The following SPECC1 variants were observed in gnomAD, a reference collection of about 807,000 sequenced individuals.
The protein encoded by SPECC1 is sperm antigen with calponin homology and coiled-coil domains 1.
SPECC1 carries 62 observed loss-of-function variants against 104.1 expected under a neutral mutation model. That is an observed-to-expected ratio of 0.60 (90% confidence interval 0.49 to 0.74). SPECC1 has a LOEUF of 0.74. Ranked by LOEUF, SPECC1 falls within the 30% of genes least tolerant of loss-of-function variation. SPECC1 has a pLI of 0.00. For missense variants in SPECC1, 1,306 were observed against 1,310.5 expected (o/e 1.00, Z 0.05); for synonymous variants, 513 against 501.6 (o/e 1.02, Z -0.30).
At chr17:20,229,265 A>G (rs1328986234) in intron 5 of SPECC1, among the ~76,000 whole-genome samples, 1 of 152,188 alleles carries the variant, frequency 6.6e-6, no homozygotes, top group African/African-American at 2.4e-5. Context: ...CCCCAAGCAC[A>G]GTGAGGTTGA....
At chr17:20,023,866 G>T (rs1272547297) in intron 1 of SPECC1, among the ~76,000 whole-genome samples, 1 of 151,248 alleles carries the variant, frequency 6.6e-6, no homozygotes, top group Admixed American at 6.6e-5. Context: ...AAATAACCCT[G>T]ATAGAGAGCA....
In SPECC1 at chr17:20,314,658, A is replaced by C; in HGVS notation, c.*593A>C. ...CTGTCTCAAAAAAATGATAAAACCC[A>C]AAACTTTGCCCTTGTGAACCCTCCC... On this transcript the variant is annotated 3_prime_UTR_variant, in exon 15 of 15. Transcript: ENST00000395527. 1 of 230,082 alleles carries C rather than the reference A, an allele frequency of 4.3e-6. No homozygotes were observed. Among genetic ancestry groups the C allele is most frequent in the Non-Finnish European group, 8.6e-6 (1 of 116,332 alleles). 14.3% of individuals were successfully genotyped at this position (230,082 alleles called of 1,614,324 possible). A position where few individuals can be genotyped will look rare whatever the true frequency, so the allele number is the denominator to read the frequency against.
At chr17:20,059,318 G>A (rs936011640) in intron 1 of SPECC1, among the ~76,000 whole-genome samples, 95 of 152,106 alleles carry the variant, frequency 6.2e-4, no homozygotes, top group Middle Eastern at 3.4e-3. Context: ...CATAAAGAGC[G>A]GAAAACCTAC....
chr17:20,314,907 C>T lies in SPECC1; in HGVS notation c.*842C>T. ...TGTGAGAATGCAAGGGAGCCCCTGG[C>T]TGCTTTGCTGGAGTCCCTGGGAGGT... On this transcript the variant is annotated 3_prime_UTR_variant, in exon 15 of 15. Coordinates refer to ENST00000395527, the MANE Select transcript of SPECC1 (RefSeq NM_001243439.2). 4.3e-6 allele frequency: 1 copy of T among 232,476 alleles called. No individual in the cohort carries two copies. The highest frequency in any genetic ancestry group is 8.5e-6 in the Non-Finnish European group (1 of 117,518). 14.4% of individuals were successfully genotyped at this position (232,476 alleles called of 1,614,324 possible).
At position 20,059,394 on chromosome 17, in the gene SPECC1, C is replaced by G. The variant is rs558149478; in HGVS notation, c.-21-37237C>G. Reference sequence around the variant, plus strand: ...ATGAGAATCTAATGACATCACTGATCTGACGGGAGGTGAAGCCCAGGTGGT... The same window carrying G: ...ATGAGAATCTAATGACATCACTGATGTGACGGGAGGTGAAGCCCAGGTGGT... On this transcript the variant is annotated intron_variant, in intron 1 of 14. Transcript: ENST00000395527. Among the ~76,000 whole-genome samples, 3 of 152,236 alleles carry G rather than the reference C, an allele frequency of 2.0e-5. No homozygotes were observed. The South Asian group carries it at 6.2e-4, about 32-fold the overall frequency.
Position 20,236,379 on chromosome 17 carries a change from A to G in SPECC1, c.2351+3974A>G, listed in dbSNP as rs116147607. Among the ~76,000 whole-genome samples, 1,012 of 141,970 alleles carry G rather than the reference A, an allele frequency of 7.1e-3. 10 individuals carry two copies. The highest frequency in any genetic ancestry group is 0.028 in the African/African-American group (960 of 34,322). 93.1% of individuals were successfully genotyped at this position (141,970 alleles called of 152,430 possible). A position where few individuals can be genotyped will look rare whatever the true frequency, so the allele number is the denominator to read the frequency against. ...ATTTATGACATTAGACACACAGTCT[A>G]TAATTCTAAAGAGCTGTGTCTGCCT... On this transcript the variant is annotated intron_variant, in intron 7 of 14. Coordinates refer to ENST00000395527, the MANE Select transcript of SPECC1 (RefSeq NM_001243439.2).
chr17:20,074,835 A>C (rs2046694318), intron 1 of SPECC1, among the ~76,000 whole-genome samples: 1 of 152,230 alleles, frequency 6.6e-6, no homozygotes, highest in Admixed American at 6.5e-5. Context: ...CTTTCATTTG[A>C]AAACCTGGAA....
At chr17:20,180,647 C>T (rs761497287) in intron 3 of SPECC1, among the ~76,000 whole-genome samples, 31 of 152,272 alleles carry the variant, frequency 2.0e-4, no homozygotes, top group Admixed American at 4.6e-4. Flanking sequence ...AATTGCACAG[C>T]GAACTGGATA....
chr17:20,131,267 C>T (rs2049610424), intron 3 of SPECC1, among the ~76,000 whole-genome samples: 1 of 152,180 alleles, frequency 6.6e-6, no homozygotes, highest in African/African-American at 2.4e-5. Context: ...TCTCGGCTCA[C>T]TGCAACCTCT....
chr17:20,084,700 C>G (rs1203800925), intron 1 of SPECC1, among the ~76,000 whole-genome samples: 3 of 152,064 alleles, frequency 2.0e-5, no homozygotes, highest in African/African-American at 7.2e-5. Flanking sequence ...GAAATCTTTG[C>G]CTTACTCGAG....
At chr17:20,201,382 T>C (rs1306751271) in intron 3 of SPECC1, among the ~76,000 whole-genome samples, 4 of 151,990 alleles carry the variant, frequency 2.6e-5, no homozygotes, top group Non-Finnish European at 4.4e-5. Context: ...TTCGGGATGC[T>C]GAGGCAGGAG....
intron 1 of SPECC1, among the ~76,000 whole-genome samples, chr17:20,033,089 G>A (rs772190871): frequency 1.1e-4 from 16 of 151,244 alleles, no homozygotes; most frequent in African/African-American, 3.7e-4. Flanking sequence ...TCAGCCTCCC[G>A]AGTAGCTGGG....
chr17:20,293,240 C>T (rs1211918399), intron 12 of SPECC1, among the ~76,000 whole-genome samples: 2 of 151,570 alleles, frequency 1.3e-5, no homozygotes, highest in Non-Finnish European at 2.9e-5. Flanking sequence ...GCTTCCAGAA[C>T]CCTAAGGAAA....
intron 13 of SPECC1, among the ~76,000 whole-genome samples, chr17:20,301,648 A>C (rs1042975032): frequency 6.6e-6 from 1 of 152,132 alleles, no homozygotes; most frequent in Non-Finnish European, 1.5e-5. Flanking sequence ...TATGATAGTA[A>C]AGAGATATAT....
intron 4 of SPECC1, among the ~76,000 whole-genome samples, chr17:20,217,508 T>C (rs2037574377): frequency 6.6e-6 from 1 of 152,116 alleles, no homozygotes; most frequent in African/African-American, 2.4e-5. Flanking sequence ...ACCTCTAGGC[T>C]GCCTCGTTAC....
chr17:20,306,113 C>T (rs374265195), intron 14 of SPECC1, 31 bp downstream of exon 14: 2 of 1,592,610 alleles, frequency 1.3e-6, no homozygotes, highest in East Asian at 4.5e-5. Flanking sequence ...CCTTGTGATA[C>T]TTTAATTGTA....
chr17:20,183,320 T>C (rs2035037540), intron 3 of SPECC1, among the ~76,000 whole-genome samples: 1 of 152,202 alleles, frequency 6.6e-6, no homozygotes, highest in South Asian at 2.1e-4. Flanking sequence ...AATTTTGAGA[T>C]TGAAAATATG....
chr17:20,067,955 T>C (rs964550887), intron 1 of SPECC1, among the ~76,000 whole-genome samples: 4 of 152,146 alleles, frequency 2.6e-5, no homozygotes, highest in Non-Finnish European at 5.9e-5. Context: ...GAAGTGGAAT[T>C]ATACAATAGA....
At chr17:20,262,004 C>T (rs904919397) in intron 12 of SPECC1, among the ~76,000 whole-genome samples, 4 of 152,162 alleles carry the variant, frequency 2.6e-5, no homozygotes, top group Admixed American at 1.3e-4. Flanking sequence ...AGTATGCATC[C>T]GTAAGTACTA....
Sources: gnomAD v4.1 joint callset for allele counts (sites outside exome capture counted in the v4.1 genomes callset) on GRCh38, gnomAD v4.1.1 for gene constraint, MANE v1.5 for transcripts, NCBI Gene and HGNC (gene_info 2026-07-23, HGNC 2026-07-21) for gene names.